The following ROBO2 variants were observed in gnomAD, a reference collection of about 807,000 sequenced individuals.
The protein encoded by ROBO2 is roundabout homolog 2.
In ROBO2, 53 loss-of-function variants were observed where a neutral mutation model predicts 160.8. The ratio of observed to expected loss-of-function variants is 0.33; its 90% CI spans 0.26 to 0.41. The LOEUF (loss-of-function observed/expected upper bound fraction) is 0.41, where lower values mean the gene tolerates loss of function less well. Ranked by LOEUF, ROBO2 falls within the 10% of genes least tolerant of loss-of-function variation. The pLI is 1.00. For synonymous variants in ROBO2, 664 were observed against 611.7 expected, an observed-to-expected ratio of 1.09 and a Z score of -1.26; for missense variants, 1,577 against 1,722.4, an observed-to-expected ratio of 0.92 and a Z score of 1.49.
intron 2 of ROBO2, among the ~76,000 whole-genome samples, chr3:76,885,040 G>A (rs1478221000): frequency 6.6e-6 from 1 of 152,058 alleles, no homozygotes; most frequent in Non-Finnish European, 1.5e-5. Context: ...CGGCTGAAAA[G>A]GTCAAAAGCA....
At chr3:77,295,815 A>G (rs1271524897) in intron 2 of ROBO2, among the ~76,000 whole-genome samples, 1 of 147,638 alleles carries the variant, frequency 6.8e-6, no homozygotes, top group Non-Finnish European at 1.5e-5. Context: ...CTAGAGCACT[A>G]AAGACATAAA....
chr3:77,060,920 C>T (rs1217923622), intron 1 of ROBO2, among the ~76,000 whole-genome samples: 1 of 151,862 alleles, frequency 6.6e-6, no homozygotes, highest in African/African-American at 2.4e-5. Context: ...TGACCAGCAA[C>T]CCAGGAAAAC....
intron 2 of ROBO2, among the ~76,000 whole-genome samples, chr3:76,788,697 A>C (rs964656165): frequency 5.9e-5 from 9 of 151,542 alleles, no homozygotes; most frequent in Non-Finnish European, 1.3e-4. Flanking sequence ...TACAGTAGAA[A>C]TTTTTTATTA....
At chr3:76,276,949 A>T (rs1488325608) in intron 2 of ROBO2, among the ~76,000 whole-genome samples, 1 of 151,996 alleles carries the variant, frequency 6.6e-6, no homozygotes, top group African/African-American at 2.4e-5. Context: ...CTAAACATGA[A>T]ATTCATTTAT....
At chr3:76,944,890 G>A (rs1450799615) in intron 2 of ROBO2, among the ~76,000 whole-genome samples, 1 of 151,558 alleles carries the variant, frequency 6.6e-6, no homozygotes, top group East Asian at 1.9e-4. Flanking sequence ...GAGGTGCTGT[G>A]ATGGCTTTTT....
chr3:76,378,371 ATTTC>A (rs903372947), intron 2 of ROBO2, among the ~76,000 whole-genome samples: 7 of 152,144 alleles, frequency 4.6e-5, no homozygotes, highest in Non-Finnish European at 1.0e-4. Context: ...TGATGTATTT[ATTTC>A]TTTAAAATGT....
chr3:76,767,425 G>A (rs961459219), intron 2 of ROBO2, among the ~76,000 whole-genome samples: 2 of 151,564 alleles, frequency 1.3e-5, no homozygotes, highest in East Asian at 3.9e-4. Context: ...TTCGAAGAAC[G>A]ATTTAAAGTA....
chr3:77,009,347 A>G (rs2061745337), intron 2 of ROBO2, among the ~76,000 whole-genome samples: 1 of 152,212 alleles, frequency 6.6e-6, no homozygotes. Context: ...ACTACTTACC[A>G]TAATTTAAAT....
At chr3:76,665,201 T>G (rs2091971993) in intron 2 of ROBO2, among the ~76,000 whole-genome samples, 1 of 152,144 alleles carries the variant, frequency 6.6e-6, no homozygotes, top group Non-Finnish European at 1.5e-5. Flanking sequence ...TATTCATACC[T>G]CCATTTCTTG....
rs774192569 is a variant in ROBO2 at position 76,905,476 on chromosome 3, AT to A, written c.110-192537del. On this transcript the variant is annotated intron_variant, in intron 2 of 26. Transcript: ENST00000487694. ...ATTATCAGAATTTCTTGAGGATACT[AT>A]GGTTTGTTCCCATTAGTCCAAATAA... 2.3e-3 allele frequency among the ~76,000 whole-genome samples: 352 copies of A among 152,302 alleles called. 4 individuals are homozygous for A. Among genetic ancestry groups the A allele is most frequent in the Admixed American group, 3.7e-3 (56 of 15,290 alleles).
chr3:76,893,867 C>T (rs2074552086), intron 2 of ROBO2, among the ~76,000 whole-genome samples: 1 of 152,072 alleles, frequency 6.6e-6, no homozygotes, highest in Non-Finnish European at 1.5e-5. Flanking sequence ...TCATTCTGCT[C>T]TTTACCTTTA....
chr3:76,845,465 C>CTAA (rs1190157882), intron 2 of ROBO2, among the ~76,000 whole-genome samples: 1 of 151,878 alleles, frequency 6.6e-6, no homozygotes, highest in Non-Finnish European at 1.5e-5. Flanking sequence ...AACTGGGGAT[C>CTAA]TTTATCTTTC....
chr3:77,013,876 A>C (rs2062065036), intron 2 of ROBO2, among the ~76,000 whole-genome samples: 1 of 152,182 alleles, frequency 6.6e-6, no homozygotes, highest in East Asian at 1.9e-4. Context: ...CTCCATGTTA[A>C]CTTCCTTTTA....
At chr3:75,934,518 TTTA>T (rs1947687460) in intron 1 of ROBO2, among the ~76,000 whole-genome samples, 2 of 152,198 alleles carry the variant, frequency 1.3e-5, no homozygotes, top group African/African-American at 4.8e-5. Context: ...ATGAATTGAG[TTTA>T]CTTTTCATCA....
intron 2 of ROBO2, among the ~76,000 whole-genome samples, chr3:76,052,051 TCAGA>T (rs889204939): frequency 6.6e-6 from 1 of 152,096 alleles, no homozygotes; most frequent in Admixed American, 6.5e-5. Context: ...ATATGAATAA[TCAGA>T]CATTCTTTTA....
rs143603359 is a variant in ROBO2 at position 76,047,506 on chromosome 3, G to A, written c.109+109904G>A. Among the ~76,000 whole-genome samples, 453 of 152,298 alleles carry A rather than the reference G, an allele frequency of 3.0e-3. 4 individuals are homozygous for A. The highest frequency in any genetic ancestry group is 7.3e-3 in the Admixed American group (112 of 15,292). On this transcript the variant is annotated intron_variant, in intron 2 of 26. Transcript: ENST00000487694. ...CGTCAGTGGAGATTGACAGCACTGT[G>A]GAGGTGAGAACCAGTCTTGCTTACC...
chr3:76,323,744 G>T (rs1047198758), intron 2 of ROBO2, among the ~76,000 whole-genome samples: 2 of 152,180 alleles, frequency 1.3e-5, no homozygotes, highest in African/African-American at 4.8e-5. Flanking sequence ...TCCACGTGGT[G>T]CATTACAAGT....
chr3:76,819,850 G>C lies in ROBO2; in HGVS notation c.110-278164G>C, dbSNP rs538963549. On this transcript the variant is annotated intron_variant, in intron 2 of 26. Transcript: ENST00000487694. ...TCAAATGCTCTGCTGTTGTACTGCA[G>C]TTTCAATTGGGACCTGTGTCGTGTG... 3.9e-5 allele frequency among the ~76,000 whole-genome samples: 6 copies of C among 152,214 alleles called. No homozygotes were observed. The South Asian group carries it at 8.3e-4, about 21-fold the overall frequency.
At chr3:76,772,698 C>T (rs182513324) in intron 2 of ROBO2, among the ~76,000 whole-genome samples, 28 of 151,076 alleles carry the variant, frequency 1.9e-4, no homozygotes, top group African/African-American at 6.8e-4. Context: ...TTAAGGGGTA[C>T]TGTAATCATC....
Sources: gnomAD v4.1 joint callset for allele counts (sites outside exome capture counted in the v4.1 genomes callset) on GRCh38, gnomAD v4.1.1 for gene constraint, MANE v1.5 for transcripts, NCBI Gene and HGNC (gene_info 2026-07-23, HGNC 2026-07-21) for gene names.